Variants in CDH4 observed in about 807,000 individuals in gnomAD.
CDH4 encodes cadherin-4.
Under a neutral mutation model 86.0 loss-of-function variants are expected in CDH4, and 33 were observed. The ratio of observed to expected loss-of-function variants is 0.38; its 90% CI spans 0.29 to 0.51. CDH4 has a LOEUF of 0.51. CDH4 is among the 20% of genes least tolerant of loss of function. The probability of loss-of-function intolerance (pLI) is 0.86; values close to 1 mark genes in which losing one functional copy is unlikely to be tolerated. For missense variants in CDH4, 1,114 were observed against 1,307.4 expected (o/e 0.85, Z 2.28); for synonymous variants, 555 against 549.4 (o/e 1.01, Z -0.14).
At chr20:61,831,745 G>A (rs896385169) in intron 4 of CDH4, among the ~76,000 whole-genome samples, 2 of 152,224 alleles carry the variant, frequency 1.3e-5, no homozygotes, top group Non-Finnish European at 2.9e-5. Flanking sequence ...GGATTTCTCC[G>A]CAACATACCA....
chr20:61,434,258 G>T lies in CDH4; in HGVS notation c.169+179321G>T, dbSNP rs970210070. The stretch of plus-strand genomic sequence containing the variant: ...ACCATGGTTTTGCTGAATGGTGCTC[G>T]TTAGACTTTGCATAATCGAATTTAG... On this transcript the variant is annotated intron_variant, in intron 2 of 15. Transcript: ENST00000614565. Among the ~76,000 whole-genome samples the T allele has an allele frequency of 2.6e-5, 4 of 152,132 alleles. 1 individual carries two copies. Among genetic ancestry groups the T allele is most frequent in the Non-Finnish European group, 5.9e-5 (4 of 68,034 alleles).
rs1048943916 is a variant in CDH4, at chr20:61,676,771, C to T, written c.170-66792C>T. The stretch of plus-strand genomic sequence containing the variant: ...GCATTTCAGAAGGTGGTGTTTGCTG[C>T]GAGAAAGGGAAAGTGGGATCAGGAT... On this transcript the variant is annotated intron_variant, in intron 2 of 15. Transcript: ENST00000614565. The surrounding 1 kb of genome is among the most constrained non-coding windows in gnomAD (Gnocchi z 4.5). Among the ~76,000 whole-genome samples, 1 of 152,170 alleles carries T rather than the reference C, an allele frequency of 6.6e-6. No individual in the cohort carries two copies. Among genetic ancestry groups the T allele is most frequent in the African/African-American group, 2.4e-5 (1 of 41,434 alleles).
At chr20:61,319,733 C>G (rs770674767) in intron 2 of CDH4, among the ~76,000 whole-genome samples, 1 of 151,714 alleles carries the variant, frequency 6.6e-6, no homozygotes, top group Non-Finnish European at 1.5e-5. Flanking sequence ...ATCACTTGAG[C>G]CCAGGAGTTC....
At chr20:61,495,984 C>T (rs373664143) in intron 2 of CDH4, among the ~76,000 whole-genome samples, 17 of 151,642 alleles carry the variant, frequency 1.1e-4, no homozygotes, top group African/African-American at 2.9e-4. Flanking sequence ...GTCCAGGTGC[C>T]GTGCCATGCA....
chr20:61,318,942 T>C (rs575226677), intron 2 of CDH4, among the ~76,000 whole-genome samples: 1 of 152,368 alleles, frequency 6.6e-6, no homozygotes, highest in South Asian at 2.1e-4. Context: ...CCCGCAATGA[T>C]GCTGCCATCG....
intron 6 of CDH4, among the ~76,000 whole-genome samples, chr20:61,873,416 C>T (rs1462020453): frequency 1.3e-5 from 2 of 152,230 alleles, no homozygotes; most frequent in Non-Finnish European, 2.9e-5. Flanking sequence ...CTCTGCTGCC[C>T]CAGGCTCTGG....
rs563142540 is a variant in CDH4 at position 61,325,654 on chromosome 20, G to A, written c.169+70717G>A. 2.6e-5 allele frequency among the ~76,000 whole-genome samples: 4 copies of A among 151,958 alleles called. No individual in the cohort carries two copies. The South Asian group carries it at 6.4e-4, about 24-fold the overall frequency. ...CACTGGCCCAGGGTGGTGCGACTTGGGGGGGCCACAGCAAAGCGGGCCCCG... is the reference window on the plus strand; with the variant it reads ...CACTGGCCCAGGGTGGTGCGACTTGAGGGGGCCACAGCAAAGCGGGCCCCG... On this transcript the variant is annotated intron_variant, in intron 2 of 15. Transcript: ENST00000614565.
intron 2 of CDH4, among the ~76,000 whole-genome samples, chr20:61,376,876 T>G (rs561708023): frequency 4.7e-4 from 72 of 152,328 alleles, no homozygotes; most frequent in African/African-American, 1.7e-3. Flanking sequence ...TCTCTAGCAC[T>G]TCCCTGTGGC....
chr20:61,843,687 T>TA lies in CDH4; in HGVS notation c.577-961dup, dbSNP rs67518472. On this transcript the variant is annotated intron_variant, in intron 4 of 15. Coordinates refer to ENST00000614565, the MANE Select transcript of CDH4 (RefSeq NM_001794.5). Reference sequence around the variant, plus strand: ...CAGGTGACAGAATGAGACCTGTCTCTAAAAAAAAAAAAAAAAAAAATTCCT... The same window carrying TA: ...CAGGTGACAGAATGAGACCTGTCTCTAAAAAAAAAAAAAAAAAAAAATTCCT... 7.2e-3 allele frequency among the ~76,000 whole-genome samples: 1,019 copies of TA among 140,744 alleles called. 3 individuals are homozygous for TA. Among genetic ancestry groups the TA allele is most frequent in the African/African-American group, 0.011 (404 of 37,008 alleles). The allele number at this position is 140,744 out of a possible 152,430, so 92.3% of individuals were successfully genotyped here. A position where few individuals can be genotyped will look rare whatever the true frequency, so the allele number is the denominator to read the frequency against.
At chr20:61,560,757 T>C (rs1054369218) in intron 2 of CDH4, among the ~76,000 whole-genome samples, 1 of 152,238 alleles carries the variant, frequency 6.6e-6, no homozygotes, top group African/African-American at 2.4e-5. Context: ...ATGAAGGCAG[T>C]GCCCCAGAAG....
chr20:61,573,272 C>G (rs150605861), intron 2 of CDH4, among the ~76,000 whole-genome samples: 1 of 152,330 alleles, frequency 6.6e-6, no homozygotes, highest in South Asian at 2.1e-4. Flanking sequence ...AGCCTCTTCA[C>G]GTCTGGGAAG....
intron 2 of CDH4, among the ~76,000 whole-genome samples, chr20:61,671,712 G>A (rs1193454313): frequency 1.3e-5 from 2 of 149,476 alleles, no homozygotes; most frequent in African/African-American, 4.9e-5. Flanking sequence ...GATGGTAGAT[G>A]GATAAATGAA....
Position 61,480,120 on chromosome 20 carries a change from T to A in CDH4, c.169+225183T>A, listed in dbSNP as rs895942710. Among the ~76,000 whole-genome samples, 5 of 152,188 alleles carry A rather than the reference T, an allele frequency of 3.3e-5. No individual in the cohort carries two copies. The highest frequency in any genetic ancestry group is 7.3e-5 in the Non-Finnish European group (5 of 68,034). ...GGATATAGGAATGGTAACTTTTTAA[T>A]GTTCTTGGCTAATTCTGTCATCCTG... On this transcript the variant is annotated intron_variant, in intron 2 of 15. Transcript: ENST00000614565. This position sits in a 1 kb window ranked among gnomAD's most constrained non-coding sequence, Gnocchi z 5.2.
intron 2 of CDH4, among the ~76,000 whole-genome samples, chr20:61,361,089 A>G (rs533952781): frequency 1.5e-4 from 23 of 152,264 alleles, no homozygotes; most frequent in African/African-American, 5.1e-4. Context: ...GGCTGGCGTC[A>G]TAGAGTTGGG....
At chr20:61,819,903 C>T (rs1304819017) in intron 4 of CDH4, among the ~76,000 whole-genome samples, 1 of 152,214 alleles carries the variant, frequency 6.6e-6, no homozygotes, top group South Asian at 2.1e-4. Context: ...GGCAAGGAGA[C>T]ACAGGGTGCG....
At chr20:61,415,363 T>C (rs2145495385) in intron 2 of CDH4, among the ~76,000 whole-genome samples, 1 of 152,358 alleles carries the variant, frequency 6.6e-6, no homozygotes, top group South Asian at 2.1e-4. Flanking sequence ...TAATTCTTAT[T>C]GTGGTGAATG....
At position 61,414,573 on chromosome 20, in the gene CDH4, G is replaced by A. The variant is rs544291579; in HGVS notation, c.169+159636G>A. Among the ~76,000 whole-genome samples, 8 of 152,282 alleles carry A rather than the reference G, an allele frequency of 5.3e-5. No individual in the cohort carries two copies. The South Asian group carries it at 6.2e-4, about 12-fold the overall frequency. ...CACATGATTCAACTGTTCTCTGTGC[G>A]GCAATATTAATAATGCTCACTATTG... On this transcript the variant is annotated intron_variant, in intron 2 of 15. Coordinates refer to ENST00000614565, the MANE Select transcript of CDH4 (RefSeq NM_001794.5).
At chr20:61,895,656 G>C (rs1320982899) in intron 8 of CDH4, among the ~76,000 whole-genome samples, 2 of 152,198 alleles carry the variant, frequency 1.3e-5, no homozygotes, top group African/African-American at 4.8e-5. Context: ...ATTCCAGCAG[G>C]GCAGCTGCAC....
intron 4 of CDH4, among the ~76,000 whole-genome samples, chr20:61,822,447 A>G (rs1981093384): frequency 6.6e-6 from 1 of 152,174 alleles, no homozygotes; most frequent in Admixed American, 6.5e-5. Flanking sequence ...TAGCAGATAC[A>G]CCTGTAGTTC....
Sources: gnomAD v4.1 joint callset for allele counts (sites outside exome capture counted in the v4.1 genomes callset) on GRCh38, gnomAD v4.1.1 for gene constraint, Gnocchi (gnomAD v3.1) non-coding constraint, MANE v1.5 for transcripts, NCBI Gene and HGNC (gene_info 2026-07-23, HGNC 2026-07-21) for gene names.